Variants in MFN1 observed in about 807,000 individuals in gnomAD.
MFN1 encodes the protein mitofusin 1, also known as mitofusin-1.
MFN1 carries 65 observed loss-of-function variants against 92.4 expected under a neutral mutation model. The observed-to-expected ratio is 0.70, with a 90% CI of 0.58 to 0.86. The LOEUF is 0.86. MFN1 is among the 40% of genes least tolerant of loss of function. The probability of loss-of-function intolerance (pLI) is 0.00; values close to 1 mark genes in which losing one functional copy is unlikely to be tolerated. For synonymous variants in MFN1, 297 were observed against 300.9 expected (o/e 0.99, Z 0.13); for missense variants, 781 against 868.0 (o/e 0.90, Z 1.26).
intron 12 of MFN1, 116 bp from the exon 13 acceptor site, chr3:179,378,218 CAAAAAAA>C: frequency 3.2e-6 from 2 of 620,572 alleles, no homozygotes; most frequent in East Asian, 6.2e-5. Flanking sequence ...GACCCTGTCT[CAAAAAAA>C]AAAAAAAAGT....
intron 12 of MFN1, among the ~76,000 whole-genome samples, chr3:179,377,777 CAGTT>C (rs972548458): frequency 1.3e-4 from 20 of 152,016 alleles, no homozygotes; most frequent in African/African-American, 1.7e-4. Flanking sequence ...CTACAAAAAA[CAGTT>C]AGGCTGGTTG....
chr3:179,363,494 AT>A lies in MFN1; in HGVS notation c.537-790del, dbSNP rs766420716. On this transcript the variant is annotated intron_variant, in intron 5 of 17. Transcript: ENST00000471841. The stretch of plus-strand genomic sequence containing the variant: ...TGATAGATACCTCGTTTACCACGTG[AT>A]TTTTTTTTTTTTCGGAGGCAGGGTC... Among the ~76,000 whole-genome samples, 205 of 145,692 alleles carry A rather than the reference AT, an allele frequency of 1.4e-3. 1 individual carries two copies. The highest frequency in any genetic ancestry group is 7.1e-3 in the Middle Eastern group (2 of 282).
At position 179,364,361 on chromosome 3, in the gene MFN1, G is replaced by A; in HGVS notation, c.601G>A (p.Val201Ile). 1 of 1,613,880 alleles carries A rather than the reference G, an allele frequency of 6.2e-7. No individual in the cohort carries two copies. The highest frequency in any genetic ancestry group is 8.5e-7 in the Non-Finnish European group (1 of 1,179,876). The change falls in exon 6 of 18, where the codon GTC (valine) becomes ATC (isoleucine). Residue 201 changes from valine (V) to isoleucine (I), a missense_variant. Val to Ile is a conservative substitution (Grantham distance 29, BLOSUM62 3). Coordinates refer to ENST00000471841, the MANE Select transcript of MFN1 (RefSeq NM_033540.3). ...TGATAAGTTTTGCCTAGATGCTGAT[G>A]TCTTTGTTTTGGTCGCAAACTCTGA... ...WIDKFCLDAD[V>I]FVLVANSEST...
Position 179,362,493 on chromosome 3 carries a change from A to G in MFN1, c.536+11A>G, listed in dbSNP as rs1259561439. On this transcript the variant is annotated intron_variant, in intron 5 of 17. Transcript: ENST00000471841. Reference sequence around the variant, plus strand: ...GGTGTTAGTAGACAGGTAAAATTACATGTGGATTGCATTTTCTCTGGAAGT... The same window carrying G: ...GGTGTTAGTAGACAGGTAAAATTACGTGTGGATTGCATTTTCTCTGGAAGT... 1.2e-6 allele frequency: 2 copies of G among 1,609,982 alleles called. No homozygotes were observed. The highest frequency in any genetic ancestry group is 1.7e-4 in the Middle Eastern group (1 of 6,034).
At chr3:179,374,970 G>T (rs1251929065) in intron 9 of MFN1, among the ~76,000 whole-genome samples, 1 of 151,998 alleles carries the variant, frequency 6.6e-6, no homozygotes, top group African/African-American at 2.4e-5. Flanking sequence ...TTTAATGTTA[G>T]AGTCAAACCA....
intron 3 of MFN1, among the ~76,000 whole-genome samples, chr3:179,353,056 T>A (rs1712212098): frequency 1.1e-5 from 1 of 90,992 alleles, no homozygotes; most frequent in African/African-American, 3.1e-5. Context: ...CCAGCCTAAA[T>A]TTTTTTTTTT....
chr3:179,366,564 C>T (rs960198836), intron 7 of MFN1, among the ~76,000 whole-genome samples: 4 of 152,136 alleles, frequency 2.6e-5, no homozygotes, highest in Non-Finnish European at 5.9e-5. Flanking sequence ...TATCCCATCA[C>T]TGTTCACATG....
intron 9 of MFN1, 114 bp from the exon 10 acceptor site, chr3:179,375,106 T>C (rs1327610282): frequency 8.3e-7 from 1 of 1,204,158 alleles, no homozygotes; most frequent in African/African-American, 1.6e-5. Flanking sequence ...TCATTTGTTT[T>C]CTATCTTTAT....
chr3:179,352,115 C>T lies in MFN1; in HGVS notation c.248+80C>T, dbSNP rs542187893. The T allele has an allele frequency of 3.9e-4, 537 of 1,393,788 alleles. 1 individual carries two copies. Among genetic ancestry groups the T allele is most frequent in the Non-Finnish European group, 4.6e-4 (470 of 1,027,178 alleles). The allele number at this position is 1,393,788 out of a possible 1,614,324, so 86.3% of individuals were successfully genotyped here. The stretch of plus-strand genomic sequence containing the variant: ...GATGTTTCAACAAGTAATATTTCTC[C>T]CATCCTCCCCCAGCCCCGCAAGTTT... On this transcript the variant is annotated intron_variant, in intron 3 of 17. Transcript: ENST00000471841.
intron 14 of MFN1, among the ~76,000 whole-genome samples, chr3:179,380,485 A>G (rs1157784835): frequency 6.6e-6 from 1 of 152,180 alleles, no homozygotes; most frequent in Non-Finnish European, 1.5e-5. Context: ...ATCCCTAGGG[A>G]CATCTTTTCT....
At chr3:179,377,839 C>T (rs1397988807) in intron 12 of MFN1, among the ~76,000 whole-genome samples, 6 of 151,716 alleles carry the variant, frequency 4.0e-5, no homozygotes, top group African/African-American at 7.2e-5. Context: ...CTGAGGCGGA[C>T]GGATCACGAG....
intron 2 of MFN1, 119 bp from the exon 3 acceptor site, chr3:179,351,779 TGA>T: frequency 1.2e-6 from 1 of 866,050 alleles, no homozygotes; most frequent in Non-Finnish European, 1.7e-6. Context: ...TACCAAACAT[TGA>T]GATGCTGTGG....
intron 14 of MFN1, among the ~76,000 whole-genome samples, chr3:179,380,033 A>G (rs547880756): frequency 1.3e-5 from 2 of 152,364 alleles, no homozygotes; most frequent in African/African-American, 4.8e-5. Flanking sequence ...TGATCATGAA[A>G]TAAACATCTA....
At chr3:179,369,026 A>G (rs1360865131) in intron 9 of MFN1, among the ~76,000 whole-genome samples, 1 of 152,200 alleles carries the variant, frequency 6.6e-6, no homozygotes, top group Non-Finnish European at 1.5e-5. Context: ...ATGAAGACAA[A>G]CTGGAAGAAA....
At chr3:179,361,135 C>T (rs538712318) in intron 4 of MFN1, among the ~76,000 whole-genome samples, 4 of 152,116 alleles carry the variant, frequency 2.6e-5, no homozygotes, top group African/African-American at 2.4e-5. Context: ...AAATACTAAT[C>T]AAGCTTTTAA....
At chr3:179,368,597 A>G (rs2108538870) in intron 9 of MFN1, among the ~76,000 whole-genome samples, 1 of 152,350 alleles carries the variant, frequency 6.6e-6, no homozygotes, top group African/African-American at 2.4e-5. Flanking sequence ...TTTGTGCCAA[A>G]CATTCTAAAT....
intron 3 of MFN1, among the ~76,000 whole-genome samples, chr3:179,358,028 C>T (rs915879119): frequency 4.6e-5 from 7 of 151,890 alleles, no homozygotes; most frequent in Non-Finnish European, 8.8e-5. Context: ...ACAGCAGACT[C>T]GGGGTAAGTG....
rs1339974712 is a variant in MFN1 at position 179,394,822 on chromosome 3, A to G, written c.*2763A>G. The G allele has an allele frequency of 2.0e-5, 3 of 152,168 alleles. No individual in the cohort carries two copies. Among genetic ancestry groups the G allele is most frequent in the Non-Finnish European group, 2.9e-5 (2 of 68,040 alleles). 9.4% of individuals were successfully genotyped at this position (152,168 alleles called of 1,614,324 possible). ...TGTACTTCAAAGTTATTGCACATAC[A>G]CTTGTTTACTTTGTATGTTTGCAGG... On this transcript the variant is annotated 3_prime_UTR_variant, in exon 18 of 18. Coordinates refer to ENST00000471841, the MANE Select transcript of MFN1 (RefSeq NM_033540.3).
chr3:179,358,788 C>A, intron 3 of MFN1, 52 bp from the exon 4 acceptor site: 1 of 1,542,548 alleles, frequency 6.5e-7, no homozygotes, highest in Non-Finnish European at 8.8e-7. Context: ...AGTGAAAGAA[C>A]TACTTTTTTT....
Sources: gnomAD v4.1 joint callset for allele counts (sites outside exome capture counted in the v4.1 genomes callset) on GRCh38, gnomAD v4.1.1 for gene constraint, MANE v1.5 for transcripts, NCBI Gene and HGNC (gene_info 2026-07-23, HGNC 2026-07-21) for gene names.